ARID2: variants seen among roughly 807,000 people sequenced by gnomAD.
ARID2 encodes the protein AT-rich interaction domain 2, also known as AT-rich interactive domain-containing protein 2.
Under a neutral mutation model 184.6 loss-of-function variants are expected in ARID2, and 32 were observed. The observed-to-expected ratio is 0.17, with a 90% CI of 0.13 to 0.23. The LOEUF (loss-of-function observed/expected upper bound fraction) is 0.23. Among genes scored for constraint, ARID2 ranks in the 10% least tolerant of loss-of-function variants. ARID2 has a pLI of 1.00. For synonymous variants in ARID2, 836 were observed against 772.6 expected, an observed-to-expected ratio of 1.08 and a Z score of -1.36; for missense variants, 1,696 against 2,197.6, an observed-to-expected ratio of 0.77 and a Z score of 4.56.
At chr12:45,885,973 C>G (rs1316140780) in intron 16 of ARID2, among the ~76,000 whole-genome samples, 2 of 152,158 alleles carry the variant, frequency 1.3e-5, no homozygotes, top group Admixed American at 1.3e-4. Context: ...TCCCAAATCT[C>G]ATGTCCTCAC....
chr12:45,883,609 CA>C (rs1174799864), intron 16 of ARID2, among the ~76,000 whole-genome samples: 2 of 149,672 alleles, frequency 1.3e-5, no homozygotes, highest in African/African-American at 4.9e-5. Flanking sequence ...AATATACCCC[CA>C]TTTTTACCTA....
intron 15 of ARID2, among the ~76,000 whole-genome samples, chr12:45,858,768 AGT>A (rs933853068): frequency 6.6e-6 from 1 of 152,232 alleles, no homozygotes; most frequent in African/African-American, 2.4e-5. Context: ...TCAGATTGAA[AGT>A]GTGAGTCCTG....
chr12:45,736,736 A>T (rs1941133399), intron 3 of ARID2, among the ~76,000 whole-genome samples: 1 of 152,226 alleles, frequency 6.6e-6, no homozygotes, highest in Non-Finnish European at 1.5e-5. Context: ...AGAAATGTTA[A>T]TATATTTCCA....
chr12:45,735,210 C>G (rs1301018636), intron 3 of ARID2, among the ~76,000 whole-genome samples: 2 of 151,700 alleles, frequency 1.3e-5, no homozygotes, highest in African/African-American at 4.8e-5. Context: ...CATGTGTTCT[C>G]TAGTTAGTGT....
intron 3 of ARID2, among the ~76,000 whole-genome samples, chr12:45,768,795 T>G (rs1941817561): frequency 6.6e-6 from 1 of 152,168 alleles, no homozygotes; most frequent in Non-Finnish European, 1.5e-5. Flanking sequence ...CAGATTTGTT[T>G]TGATTGACCT....
rs375163363 is a variant in ARID2 at position 45,800,978 on chromosome 12, GAA to G, written c.285-10438_285-10437del. Among the ~76,000 whole-genome samples, 345 of 152,302 alleles carry G rather than the reference GAA, an allele frequency of 2.3e-3. 12 individuals are homozygous for G. The South Asian group carries it at 0.067, about 30-fold the overall frequency. ...ATGAGTAAATAAACGAGAGAGGATG[GAA>G]AGTACTCACAGTCGAATGCCAACTA... On this transcript the variant is annotated intron_variant, in intron 3 of 20. Transcript: ENST00000334344.
intron 6 of ARID2, among the ~76,000 whole-genome samples, chr12:45,831,031 C>T (rs7953515): frequency 0.081 from 11,887 of 146,990 alleles, 1,604 homozygotes; most frequent in African/African-American, 0.28. Context: ...AGTGACAGAA[C>T]GAGACTCTGT....
chr12:45,741,598 T>C (rs1341633317), intron 3 of ARID2, among the ~76,000 whole-genome samples: 1 of 152,240 alleles, frequency 6.6e-6, no homozygotes, highest in African/African-American at 2.4e-5. Flanking sequence ...ATCATTGTTA[T>C]GCATTTTGCT....
rs1364126255 is a variant in ARID2 at position 45,850,342 on chromosome 12, A to G, written c.2219A>G (p.Gln740Arg). Residue 740 changes from glutamine (Q) to arginine (R), a missense_variant, in exon 15 of 21, where the codon CAG becomes CGG. By Grantham distance (43) the Gln-to-Arg change is conservative (BLOSUM62 1). This residue lies in a region of ARID2 where 713 missense variants were observed against 824.4 expected (regional missense o/e 0.86). Coordinates refer to ENST00000334344, the MANE Select transcript of ARID2 (RefSeq NM_152641.4). ...ATTGCTGTTGGAGGAGGACCTCCAC[A>G]GAGTTCTGTTGTTCAGAATCATAGT... ...VSIAVGGGPP[Q>R]SSVVQNHSTG... is the part of the protein sequence containing the mutation. 6 of 1,614,006 alleles carry G rather than the reference A, an allele frequency of 3.7e-6. No individual in the cohort carries two copies. Among genetic ancestry groups the G allele is most frequent in the Non-Finnish European group, 5.1e-6 (6 of 1,179,984 alleles).
intron 4 of ARID2, among the ~76,000 whole-genome samples, chr12:45,815,379 T>G (rs1942787268): frequency 6.6e-6 from 1 of 152,210 alleles, no homozygotes; most frequent in African/African-American, 2.4e-5. Flanking sequence ...TATATTCTTA[T>G]TGTCAAGCTT....
Position 45,817,779 on chromosome 12 carries a change from T to C in ARID2, c.528T>C (p.Ala176=). The change falls in exon 5 of 21, where the codon GCT becomes GCC. Residue 176 remains alanine (A), a synonymous_variant. Transcript: ENST00000334344. The part of the protein sequence containing the change: ...LSGLPNEVDF[A]INVCTLLSNE... ...GACTCCCAAATGAAGTGGACTTTGC[T>C]ATTAACGTATGCACTCTCCTATCAA... The C allele has an allele frequency of 6.2e-7, 1 of 1,613,486 alleles. No individual in the cohort carries two copies. Among genetic ancestry groups the C allele is most frequent in the Non-Finnish European group, 8.5e-7 (1 of 1,179,814 alleles).
chr12:45,869,218 T>C (rs1222807496), intron 16 of ARID2, among the ~76,000 whole-genome samples: 1 of 152,208 alleles, frequency 6.6e-6, no homozygotes, highest in East Asian at 1.9e-4. Flanking sequence ...GGTTTCACCA[T>C]ATTGGCCAGG....
chr12:45,776,678 G>A (rs1302006724), intron 3 of ARID2, among the ~76,000 whole-genome samples: 3 of 151,860 alleles, frequency 2.0e-5, no homozygotes, highest in Non-Finnish European at 2.9e-5. Flanking sequence ...GGCTGGGCAT[G>A]GTGGATCATG....
intron 3 of ARID2, among the ~76,000 whole-genome samples, chr12:45,737,931 C>T (rs1362568237): frequency 1.3e-5 from 2 of 151,928 alleles, no homozygotes; most frequent in Non-Finnish European, 2.9e-5. Flanking sequence ...AACAAGGGCT[C>T]CACTTTAGTT....
chr12:45,884,458 T>C (rs1944154183), intron 16 of ARID2, among the ~76,000 whole-genome samples: 1 of 152,216 alleles, frequency 6.6e-6, no homozygotes, highest in South Asian at 2.1e-4. Context: ...TCAGCTTTCA[T>C]AGCACTTTTC....
chr12:45,865,180 T>C (rs1420960434), intron 16 of ARID2, among the ~76,000 whole-genome samples: 1 of 152,178 alleles, frequency 6.6e-6, no homozygotes, highest in Non-Finnish European at 1.5e-5. Context: ...TGTGTGTTTA[T>C]ACTGATTCTT....
chr12:45,741,741 C>A (rs1034606122), intron 3 of ARID2, among the ~76,000 whole-genome samples: 1 of 152,132 alleles, frequency 6.6e-6, no homozygotes, highest in Non-Finnish European at 1.5e-5. Context: ...GCCTACCCAG[C>A]TCTAGAATCA....
At position 45,848,932 on chromosome 12, in the gene ARID2, T is replaced by A. The variant is rs1441700284; in HGVS notation, c.1677T>A (p.Gly559=). 2 of 1,612,690 alleles carry A rather than the reference T, an allele frequency of 1.2e-6. No individual in the cohort carries two copies. Among genetic ancestry groups the A allele is most frequent in the African/African-American group, 1.3e-5 (1 of 74,978 alleles). ...YLSTCSKLAR[G]GILTSTGFYK... ...CGACTTGCAGTAAATTAGCTCGTGGTGGAATCCTAACATCAACTGGATTTT... is the reference window on the plus strand; with the variant it reads ...CGACTTGCAGTAAATTAGCTCGTGGAGGAATCCTAACATCAACTGGATTTT... Residue 559 remains glycine, a synonymous_variant, in exon 13 of 21, where the codon GGT becomes GGA. Transcript: ENST00000334344.
intron 3 of ARID2, among the ~76,000 whole-genome samples, chr12:45,781,978 C>T (rs1046946235): frequency 2.0e-5 from 3 of 151,952 alleles, no homozygotes; most frequent in Non-Finnish European, 4.4e-5. Flanking sequence ...CTTGCTGTTT[C>T]CTCAGTAACT....
Sources: allele counts gnomAD v4.1 joint callset (sites outside exome capture counted in the v4.1 genomes callset), GRCh38; gene constraint gnomAD v4.1.1; regional missense constraint gnomAD v4.1.1; transcripts MANE v1.5; gene names NCBI Gene and HGNC (gene_info 2026-07-23, HGNC 2026-07-21).